PTPRJ: variants seen among roughly 807,000 people sequenced by gnomAD.
PTPRJ encodes the protein protein tyrosine phosphatase receptor type J.
PTPRJ carries 129 observed loss-of-function variants against 141.3 expected under a neutral mutation model. That is an observed-to-expected ratio of 0.91 (90% confidence interval 0.79 to 1.06). The LOEUF (loss-of-function observed/expected upper bound fraction) is 1.06. Among genes scored for constraint, PTPRJ ranks in the 50% least tolerant of loss-of-function variants. PTPRJ has a pLI of 0.00. For missense variants in PTPRJ, 1,601 were observed against 1,679.7 expected, an observed-to-expected ratio of 0.95 and a Z score of 0.82; for synonymous variants, 610 against 640.5, an observed-to-expected ratio of 0.95 and a Z score of 0.72.
intron 1 of PTPRJ, among the ~76,000 whole-genome samples, chr11:48,051,925 C>T (rs904598495): frequency 6.6e-6 from 1 of 152,226 alleles, no homozygotes; most frequent in Middle Eastern, 3.4e-3. Context: ...CTGAATGTAA[C>T]GAGAATCAAA....
At chr11:48,016,255 G>C (rs1163964128) in intron 1 of PTPRJ, among the ~76,000 whole-genome samples, 1 of 152,156 alleles carries the variant, frequency 6.6e-6, no homozygotes, top group South Asian at 2.1e-4. Flanking sequence ...TTCAAGCAGG[G>C]GTCAGACCAG....
rs116503029 is a variant in PTPRJ, at chr11:47,997,609, T to C, written c.96+16601T>C. 6.3e-3 allele frequency among the ~76,000 whole-genome samples: 965 copies of C among 152,280 alleles called. 13 individuals are homozygous for C. Among genetic ancestry groups the C allele is most frequent in the African/African-American group, 0.022 (919 of 41,552 alleles). ...TGTAAAATGGGAGTAACTGATACTTTTCCTGTCTGGGTGGGAAAGGAACCC... is the reference window on the plus strand; with the variant it reads ...TGTAAAATGGGAGTAACTGATACTTCTCCTGTCTGGGTGGGAAAGGAACCC... On this transcript the variant is annotated intron_variant, in intron 1 of 24. Coordinates refer to ENST00000418331, the MANE Select transcript of PTPRJ (RefSeq NM_002843.4).
chr11:48,092,244 G>A (rs1310679959), intron 1 of PTPRJ, among the ~76,000 whole-genome samples: 2 of 120,800 alleles, frequency 1.7e-5, no homozygotes, highest in East Asian at 5.6e-4. Flanking sequence ...GCAGTGAGCC[G>A]ACATCGCGCC....
chr11:48,057,287 G>A (rs1432249925), intron 1 of PTPRJ, among the ~76,000 whole-genome samples: 1 of 151,644 alleles, frequency 6.6e-6, no homozygotes, highest in Admixed American at 6.6e-5. Flanking sequence ...AAAAGCTCTG[G>A]GTAAACGTTA....
At position 48,097,482 on chromosome 11, in the gene PTPRJ, T is replaced by C. The variant is rs145246912; in HGVS notation, c.97-12576T>C. On this transcript the variant is annotated intron_variant, in intron 1 of 24. Transcript: ENST00000418331. ...TTCAGAACAAGATCAAGTGGAGACA[T>C]AAAATGGTAAGATGTGAAAAGTTGT... Among the ~76,000 whole-genome samples the C allele has an allele frequency of 4.2e-3, 634 of 152,214 alleles. 1 individual carries two copies. The highest frequency in any genetic ancestry group is 6.8e-3 in the Non-Finnish European group (465 of 67,996).
chr11:48,057,167 C>A (rs1854777775), intron 1 of PTPRJ, among the ~76,000 whole-genome samples: 1 of 152,128 alleles, frequency 6.6e-6, no homozygotes, highest in African/African-American at 2.4e-5. Flanking sequence ...CAGACCGCCC[C>A]CCATTGCCTG....
In PTPRJ at chr11:48,121,197, G is replaced by A. The variant is rs2134339282; in HGVS notation, c.547G>A (p.Val183Ile). The part of the protein sequence containing the change: ...ITGLRPATSY[V>I]FSITPGIGNE... ...AGGCTTACGTCCAGCGACTTCATAT[G>A]TATTCTCCATCACTCCAGGAATAGG... is the stretch of plus-strand genomic sequence containing the variant. The change falls in exon 4 of 25, where the codon GTA (valine) becomes ATA (isoleucine). Residue 183 changes from valine to isoleucine, a missense_variant. Val to Ile is a conservative substitution (Grantham distance 29, BLOSUM62 3). Coordinates refer to ENST00000418331, the MANE Select transcript of PTPRJ (RefSeq NM_002843.4). The A allele has an allele frequency of 2.5e-6, 4 of 1,614,062 alleles. No homozygotes were observed. Among genetic ancestry groups the A allele is most frequent in the Non-Finnish European group, 3.4e-6 (4 of 1,179,952 alleles).
At chr11:48,040,667 T>C (rs1233888998) in intron 1 of PTPRJ, among the ~76,000 whole-genome samples, 1 of 150,468 alleles carries the variant, frequency 6.6e-6, no homozygotes, top group Non-Finnish European at 1.5e-5. Context: ...GATGGTGCAG[T>C]CTCGGCTTAC....
intron 1 of PTPRJ, among the ~76,000 whole-genome samples, chr11:48,086,999 A>G (rs1197345590): frequency 2.0e-5 from 3 of 152,218 alleles, no homozygotes; most frequent in Admixed American, 6.5e-5. Flanking sequence ...CTTTGACTCA[A>G]TAGTAATAAT....
chr11:48,164,490 A>T lies in PTPRJ; in HGVS notation c.3830A>T (p.His1277Leu), dbSNP rs765928711. The change falls in exon 24 of 25, where the codon CAT becomes CTT. Residue 1277 changes from histidine to leucine, a missense_variant. Transcript: ENST00000418331. The part of the protein sequence containing the change: ...VYGIVYDLRM[H>L]RPLMVQTEDQ... Reference sequence around the variant, plus strand: ...GGGATTGTGTATGACCTTCGAATGCATAGGCCTTTAATGGTGCAGACAGAG... The same window carrying T: ...GGGATTGTGTATGACCTTCGAATGCTTAGGCCTTTAATGGTGCAGACAGAG... 1.2e-6 allele frequency: 2 copies of T among 1,612,446 alleles called. No homozygotes were observed. Among genetic ancestry groups the T allele is most frequent in the South Asian group, 1.1e-5 (1 of 91,028 alleles).
At chr11:48,129,133 A>G (rs535717174) in intron 7 of PTPRJ, among the ~76,000 whole-genome samples, 3 of 152,184 alleles carry the variant, frequency 2.0e-5, no homozygotes, top group Non-Finnish European at 2.9e-5. Context: ...TGAAACAGAA[A>G]CTGTGAGCTA....
intron 3 of PTPRJ, among the ~76,000 whole-genome samples, chr11:48,118,120 G>A (rs1395151356): frequency 6.6e-6 from 1 of 152,198 alleles, no homozygotes; most frequent in Non-Finnish European, 1.5e-5. Context: ...GACTCCCTCT[G>A]TCACCCAGGC....
intron 1 of PTPRJ, among the ~76,000 whole-genome samples, chr11:48,098,193 C>A (rs10769316): frequency 2.0e-5 from 3 of 151,986 alleles, no homozygotes; most frequent in African/African-American, 7.3e-5. Context: ...TGTTCCAGGC[C>A]CTGAAAATCC....
intron 1 of PTPRJ, among the ~76,000 whole-genome samples, chr11:48,055,512 G>T (rs1374687037): frequency 6.6e-6 from 1 of 152,166 alleles, no homozygotes; most frequent in Non-Finnish European, 1.5e-5. Context: ...TATGTTTCTG[G>T]TAAGTTCTGG....
chr11:48,087,118 C>G (rs543595470), intron 1 of PTPRJ, among the ~76,000 whole-genome samples: 1 of 152,256 alleles, frequency 6.6e-6, no homozygotes, highest in East Asian at 1.9e-4. Flanking sequence ...AACTAAAATG[C>G]TTTGGTTCTC....
chr11:47,991,080 A>G lies in PTPRJ; in HGVS notation c.96+10072A>G, dbSNP rs139623775. Among the ~76,000 whole-genome samples the G allele has an allele frequency of 4.7e-3, 713 of 152,252 alleles. 6 individuals are homozygous for G. Among genetic ancestry groups the G allele is most frequent in the Non-Finnish European group, 7.2e-3 (493 of 68,016 alleles). ...CCACAATGGATTGTGTGTATTATAT[A>G]TACACACACAGACACACGCAAATGT... On this transcript the variant is annotated intron_variant, in intron 1 of 24. Coordinates refer to ENST00000418331, the MANE Select transcript of PTPRJ (RefSeq NM_002843.4).
At position 48,023,783 on chromosome 11, in the gene PTPRJ, AAAATAAAT is replaced by A. The variant is rs151301730; in HGVS notation, c.96+42812_96+42819del. On this transcript the variant is annotated intron_variant, in intron 1 of 24. Transcript: ENST00000418331. Reference sequence around the variant, plus strand: ...GGCGACAGAGTGAGACTCGGACTCAAAAATAAATAAATAAATAAATAAATAAATAAATA... The same window carrying A: ...GGCGACAGAGTGAGACTCGGACTCAAAAATAAATAAATAAATAAATAAATA... 9.1e-3 allele frequency among the ~76,000 whole-genome samples: 1,364 copies of A among 149,170 alleles called. 12 individuals carry two copies. The highest frequency in any genetic ancestry group is 0.026 in the African/African-American group (1,028 of 40,090).
intron 8 of PTPRJ, chr11:48,132,802 T>C: frequency 6.9e-6 from 6 of 875,426 alleles, no homozygotes; most frequent in Non-Finnish European, 8.2e-6. Context: ...ACTGTGCTGG[T>C]TGGGTTAAGC....
At position 48,007,276 on chromosome 11, in the gene PTPRJ, ATTT is replaced by A. The variant is rs36058449; in HGVS notation, c.96+26280_96+26282del. Among the ~76,000 whole-genome samples the A allele has an allele frequency of 3.6e-5, 5 of 137,830 alleles. No homozygotes were observed. In the South Asian group the frequency reaches 7.2e-4, roughly 20 times the overall value. The allele number at this position is 137,830 out of a possible 152,430, so 90.4% of individuals were successfully genotyped here. On this transcript the variant is annotated intron_variant, in intron 1 of 24. Transcript: ENST00000418331. ...CCACCACGCCCGGCTAATTTTTTGT[ATTT>A]TTTTTTTTTTTAGTAGAGATGGGTT...
Sources: gnomAD v4.1 joint callset for allele counts (sites outside exome capture counted in the v4.1 genomes callset) on GRCh38, gnomAD v4.1.1 for gene constraint, MANE v1.5 for transcripts, NCBI Gene and HGNC (gene_info 2026-07-23, HGNC 2026-07-21) for gene names.